ZFP37: variants seen among roughly 807,000 people sequenced by gnomAD.
The protein encoded by ZFP37 is zinc finger protein 37 homolog.
Under a neutral mutation model 52.1 loss-of-function variants are expected in ZFP37, and 38 were observed. The observed-to-expected ratio is 0.73, with a 90% confidence interval of 0.56 to 0.96. The LOEUF (loss-of-function observed/expected upper bound fraction) is 0.96, where lower values mean the gene tolerates loss of function less well. Among genes scored for constraint, ZFP37 ranks in the 40% least tolerant of loss-of-function variants. The pLI, the probability that ZFP37 is intolerant of heterozygous loss-of-function variation, is 0.00. For missense variants in ZFP37, 695 were observed against 741.4 expected (o/e 0.94, Z 0.73); for synonymous variants, 253 against 259.5 (o/e 0.98, Z 0.24).
chr9:113,054,659 A>C (rs1231077158), intron 1 of ZFP37, among the ~76,000 whole-genome samples: 1 of 152,220 alleles, frequency 6.6e-6, no homozygotes, highest in Non-Finnish European at 1.5e-5. Context: ...TTCAGAAAAT[A>C]GAATCACCAT....
At chr9:113,048,544 T>C (rs111388539) in intron 3 of ZFP37, among the ~76,000 whole-genome samples, 49 of 152,210 alleles carry the variant, frequency 3.2e-4, no homozygotes, top group African/African-American at 1.1e-3. Context: ...TTCTGAAGAC[T>C]GAGCAATTGA....
In ZFP37 at chr9:113,038,786, AAAAT is replaced by A. The variant is rs1244862863; in HGVS notation, c.*3935_*3938del. The A allele has an allele frequency of 2.7e-5, 4 of 149,904 alleles. No homozygotes were observed. Among genetic ancestry groups the A allele is most frequent in the Admixed American group, 6.7e-5 (1 of 14,872 alleles). The allele number at this position is 149,904 out of a possible 1,614,324, so 9.3% of individuals were successfully genotyped here. The stretch of plus-strand genomic sequence containing the variant: ...GGTGACAGAGACTTTGTCTCAAAAC[AAAAT>A]AAAACAAAAAAAGAAAGATTCAATT... On this transcript the variant is annotated 3_prime_UTR_variant, in exon 4 of 4. Coordinates refer to ENST00000374227, the MANE Select transcript of ZFP37 (RefSeq NM_003408.3).
In ZFP37 at chr9:113,038,536, A is replaced by T. The variant is rs769408448; in HGVS notation, c.*4189T>A. ...GGTAGCTCACACTTTTAATCACAGC[A>T]CTTTGGGAGGCCAAGGTGGGCAGAT... On this transcript the variant is annotated 3_prime_UTR_variant, in exon 4 of 4. Coordinates refer to ENST00000374227, the MANE Select transcript of ZFP37 (RefSeq NM_003408.3). 3 of 151,630 alleles carry T rather than the reference A, an allele frequency of 2.0e-5. No homozygotes were observed. The highest frequency in any genetic ancestry group is 4.4e-5 in the Non-Finnish European group (3 of 67,966). 9.4% of individuals were successfully genotyped at this position (151,630 alleles called of 1,614,324 possible). A position where few individuals can be genotyped will look rare whatever the true frequency, so the allele number is the denominator to read the frequency against.
Position 113,052,252 on chromosome 9 carries a change from G to A in ZFP37, c.133-2380C>T, listed in dbSNP as rs983530226. On this transcript the variant is annotated intron_variant, in intron 1 of 3. Transcript: ENST00000374227. The surrounding 1 kb of genome is among the most constrained non-coding windows in gnomAD (Gnocchi z 4.1). ...TTCCTTATAGGAGCCTCAGAGGAGT[G>A]GAGGCTGTCTTTCCTGCACCACCCC... Among the ~76,000 whole-genome samples the A allele has an allele frequency of 9.9e-5, 15 of 152,234 alleles. No homozygotes were observed. Among genetic ancestry groups the A allele is most frequent in the African/African-American group, 3.6e-4 (15 of 41,540 alleles).
Position 113,049,748 on chromosome 9 carries a change from A to G in ZFP37, c.214+43T>C, listed in dbSNP as rs756667909. 9 of 1,603,022 alleles carry G rather than the reference A, an allele frequency of 5.6e-6. No homozygotes were observed. The Admixed American group carries it at 1.5e-4, about 27-fold the overall frequency. On this transcript the variant is annotated intron_variant, in intron 2 of 3. Coordinates refer to ENST00000374227, the MANE Select transcript of ZFP37 (RefSeq NM_003408.3). ...TTATCAAGGACTCCAGAGAGAAGGT[A>G]TCACAGTGGACACATTTTGAATTAC...
At position 113,039,208 on chromosome 9, in the gene ZFP37, T is replaced by G. The variant is rs770382701; in HGVS notation, c.*3517A>C. 6.6e-6 allele frequency: 1 copy of G among 152,170 alleles called. No individual in the cohort carries two copies. Among genetic ancestry groups the G allele is most frequent in the Non-Finnish European group, 1.5e-5 (1 of 68,028 alleles). The allele number at this position is 152,170 out of a possible 1,614,324, so 9.4% of individuals were successfully genotyped here. On this transcript the variant is annotated 3_prime_UTR_variant, in exon 4 of 4. Coordinates refer to ENST00000374227, the MANE Select transcript of ZFP37 (RefSeq NM_003408.3). ...ACTGCCGACCATCATAAGGCTTTGA[T>G]GTATACTGTCAGATTTACATTTTGG... is the stretch of plus-strand genomic sequence containing the variant.
rs1296495622 is a variant in ZFP37 at position 113,040,842 on chromosome 9, T to A, written c.*1883A>T. 1 of 152,232 alleles carries A rather than the reference T, an allele frequency of 6.6e-6. No homozygotes were observed. The highest frequency in any genetic ancestry group is 1.9e-4 in the East Asian group (1 of 5,200). 9.4% of individuals were successfully genotyped at this position (152,232 alleles called of 1,614,324 possible). A position where few individuals can be genotyped will look rare whatever the true frequency, so the allele number is the denominator to read the frequency against. On this transcript the variant is annotated 3_prime_UTR_variant, in exon 4 of 4. Coordinates refer to ENST00000374227, the MANE Select transcript of ZFP37 (RefSeq NM_003408.3). ...TAATATTTTATATTATGTAAATTAA[T>A]ATTGTATTAAAATAAAGGTATGATG...
At chr9:113,048,766 G>T (rs1207036378) in intron 3 of ZFP37, among the ~76,000 whole-genome samples, 1 of 152,136 alleles carries the variant, frequency 6.6e-6, no homozygotes, top group Non-Finnish European at 1.5e-5. Context: ...CCCAGTGGAA[G>T]GATTATACGT....
At position 113,040,390 on chromosome 9, in the gene ZFP37, A is replaced by C. The variant is rs1828827181; in HGVS notation, c.*2335T>G. ...TAGTGCTATATTTCCACTTGTTAAG[A>C]AATTACTGGTAGAAATGGCTTTCAT... On this transcript the variant is annotated 3_prime_UTR_variant, in exon 4 of 4. Transcript: ENST00000374227. 6.6e-6 allele frequency: 1 copy of C among 152,214 alleles called. No individual in the cohort carries two copies. Among genetic ancestry groups the C allele is most frequent in the Non-Finnish European group, 1.5e-5 (1 of 68,036 alleles). The allele number at this position is 152,214 out of a possible 1,614,324, so 9.4% of individuals were successfully genotyped here.
At chr9:113,048,213 G>C (rs1164127300) in intron 3 of ZFP37, among the ~76,000 whole-genome samples, 1 of 152,188 alleles carries the variant, frequency 6.6e-6, no homozygotes, top group Non-Finnish European at 1.5e-5. Flanking sequence ...AATTCTGTGG[G>C]ATTTGACTGC....
chr9:113,044,334 G>T, intron 3 of ZFP37, 66 bp from the exon 4 acceptor site: 1 of 1,414,562 alleles, frequency 7.1e-7, no homozygotes, highest in Non-Finnish European at 9.4e-7. Flanking sequence ...AATAAAACTG[G>T]TAAAGAAATG....
chr9:113,054,749 A>G (rs2118722887), intron 1 of ZFP37, among the ~76,000 whole-genome samples: 1 of 152,352 alleles, frequency 6.6e-6, no homozygotes, highest in South Asian at 2.1e-4. Context: ...TCAATACATT[A>G]GTAAGTTCTA....
At chr9:113,046,237 T>C (rs1162936616) in intron 3 of ZFP37, among the ~76,000 whole-genome samples, 1 of 138,504 alleles carries the variant, frequency 7.2e-6, no homozygotes, top group African/African-American at 2.7e-5. Flanking sequence ...TATCTATATA[T>C]ATATAGACAG....
In ZFP37 at chr9:113,043,454, GT is replaced by G; in HGVS notation, c.1163del (p.His388ProfsTer9). The G allele has an allele frequency of 6.2e-7, 1 of 1,614,002 alleles. No individual in the cohort carries two copies. ...TCACATGTTGAATAAGGTTTGAGCTGTGTCTGAAGGTTTTCCCACATTCAGC... is the reference window on the plus strand; with the variant it reads ...TCACATGTTGAATAAGGTTTGAGCTGGTCTGAAGGTTTTCCCACATTCAGC... ...ECAECGKTFR[H>X]SSNLIQHVRS... On this transcript the variant is annotated frameshift_variant, in exon 4 of 4. Transcript: ENST00000374227. LOFTEE classifies it high-confidence loss of function.
intron 1 of ZFP37, among the ~76,000 whole-genome samples, chr9:113,053,978 T>C (rs1829100189): frequency 6.6e-6 from 1 of 152,222 alleles, no homozygotes. Context: ...CTTGATTTCA[T>C]ATCCTATACA....
rs1258567847 is a variant in ZFP37, at chr9:113,056,622, C to G, written c.67G>C (p.Glu23Gln). The G allele has an allele frequency of 6.2e-7, 1 of 1,613,940 alleles. No homozygotes were observed. Among genetic ancestry groups the G allele is most frequent in the African/African-American group, 1.3e-5 (1 of 74,950 alleles). Residue 23 changes from glutamate to glutamine, a missense_variant, in exon 1 of 4, where the codon GAA becomes CAA. Physicochemically the swap from Glu to Gln is conservative, Grantham distance 29. Coordinates refer to ENST00000374227, the MANE Select transcript of ZFP37 (RefSeq NM_003408.3). ...PETVDRRRSA[E>Q]TTKEAGRPLE... Reference sequence around the variant, plus strand: ...GGTCGCCCGGCCTCTTTGGTCGTTTCCGCACTTCTCCTCCGGTCCACGGTC... The same window carrying G: ...GGTCGCCCGGCCTCTTTGGTCGTTTGCGCACTTCTCCTCCGGTCCACGGTC...
rs769190427 is a variant in ZFP37, at chr9:113,043,610, A to G, written c.1008T>C (p.Leu336=). Residue 336 remains leucine (L), a synonymous_variant, in exon 4 of 4, where the codon CTT becomes CTC. Coordinates refer to ENST00000374227, the MANE Select transcript of ZFP37 (RefSeq NM_003408.3). Reference sequence around the variant, plus strand: ...CGGTGTGAGTTCTCTGATGTACAACAAGGTGTGACTTTTGGCTAAAGGCTA... The same window carrying G: ...CGGTGTGAGTTCTCTGATGTACAACGAGGTGTGACTTTTGGCTAAAGGCTA... ...CGIAFSQKSH[L]VVHQRTHTGE... 2.5e-5 allele frequency: 40 copies of G among 1,613,750 alleles called. No homozygotes were observed. The highest frequency in any genetic ancestry group is 3.4e-5 in the Non-Finnish European group (40 of 1,179,906).
At chr9:113,050,152 A>C (rs1289764109) in intron 1 of ZFP37, 2 of 291,512 alleles carry the variant, frequency 6.9e-6, no homozygotes, top group Non-Finnish European at 1.3e-5. Context: ...TGGGAGGCTA[A>C]AGCAGGAGGA....
Position 113,056,651 on chromosome 9 carries a change from G to C in ZFP37, c.38C>G (p.Pro13Arg), listed in dbSNP as rs1829152152. ...ACTTCTCCTCCGGTCCACGGTCTCTGGCTTTGTCAGAATCTGGACGCCGCT... is the reference window on the plus strand; with the variant it reads ...ACTTCTCCTCCGGTCCACGGTCTCTCGCTTTGTCAGAATCTGGACGCCGCT... Reference protein sequence around the residue: ...VSSGVQILTKPETVDRRRSAE... With the variant: ...VSSGVQILTKRETVDRRRSAE... The change falls in exon 1 of 4, where the codon CCA becomes CGA. Residue 13 changes from proline to arginine, a missense_variant. Coordinates refer to ENST00000374227, the MANE Select transcript of ZFP37 (RefSeq NM_003408.3). The C allele has an allele frequency of 1.9e-6, 3 of 1,613,854 alleles. No homozygotes were observed. In the East Asian group the frequency reaches 6.7e-5, roughly 36 times the overall value.
Sources: allele counts gnomAD v4.1 joint callset (sites outside exome capture counted in the v4.1 genomes callset), GRCh38; gene constraint gnomAD v4.1.1; non-coding constraint Gnocchi (gnomAD v3.1); transcripts MANE v1.5; gene names NCBI Gene and HGNC (gene_info 2026-07-23, HGNC 2026-07-21).